WDR19: variants seen among roughly 807,000 people sequenced by gnomAD.
WDR19 encodes WD repeat-containing protein 19.
In WDR19, 121 loss-of-function variants were observed where a neutral mutation model predicts 180.0. The observed-to-expected ratio is 0.67, with a 90% CI of 0.58 to 0.78. The LOEUF is 0.78. Ranked by LOEUF, WDR19 falls within the 30% of genes least tolerant of loss-of-function variation. The pLI, the probability that WDR19 is intolerant of heterozygous loss-of-function variation, is 0.00. For missense variants in WDR19, 1,450 were observed against 1,640.7 expected (o/e 0.88, Z 2.01); for synonymous variants, 497 against 540.7 (o/e 0.92, Z 1.12).
chr4:39,257,515 C>T lies in WDR19; in HGVS notation c.3144C>T (p.Ser1048=). 1 of 1,589,348 alleles carries T rather than the reference C, an allele frequency of 6.3e-7. No homozygotes were observed. Among genetic ancestry groups the T allele is most frequent in the Non-Finnish European group, 8.6e-7 (1 of 1,166,848 alleles). ...TTAAACACTTCCTGAAATGCCCAAG[C>T]TCGGAAGATAATGTGGCAATAGAAA... The part of the protein sequence containing the change: ...RALKHFLKCP[S]SEDNVAIEMA... The change falls in exon 28 of 37, where the codon AGC becomes AGT. Residue 1048 remains serine, a synonymous_variant. Coordinates refer to ENST00000399820, the MANE Select transcript of WDR19 (RefSeq NM_025132.4).
At chr4:39,280,119 G>GTTTTTTTTTTTTTTTTT (rs551041321) in intron 36 of WDR19, among the ~76,000 whole-genome samples, 1 of 53,960 alleles carries the variant, frequency 1.9e-5, no homozygotes, top group African/African-American at 6.2e-5. Context: ...CCCTTTTCTT[G>GTTTTTTTTTTTTTTTTT]TTTTTTTTTT....
intron 25 of WDR19, 31 bp from the exon 26 acceptor site, chr4:39,253,873 AAG>A (rs1321943842): frequency 1.3e-6 from 2 of 1,526,550 alleles, no homozygotes; most frequent in Admixed American, 2.1e-5. Context: ...AATTTATATT[AAG>A]AGTCTAGCTA....
intron 28 of WDR19, among the ~76,000 whole-genome samples, chr4:39,262,530 G>T (rs1180178126): frequency 2.0e-5 from 3 of 152,140 alleles, no homozygotes; most frequent in Non-Finnish European, 4.4e-5. Context: ...TGTGAGCACA[G>T]TGCCCAGCCT....
chr4:39,218,267 G>A (rs1382671773), intron 14 of WDR19, 162 bp downstream of exon 14: 1 of 912,572 alleles, frequency 1.1e-6, no homozygotes, highest in African/African-American at 1.7e-5. Flanking sequence ...TCTCTTTGCA[G>A]TGGGGATACA....
intron 4 of WDR19, among the ~76,000 whole-genome samples, chr4:39,191,134 A>G (rs1726105272): frequency 6.6e-6 from 1 of 152,238 alleles, no homozygotes; most frequent in Non-Finnish European, 1.5e-5. Context: ...TGTCATTAAA[A>G]TAAAATTAAG....
In WDR19 at chr4:39,228,564, C is replaced by A. The variant is rs777737446; in HGVS notation, c.1856C>A (p.Thr619Asn). The A allele has an allele frequency of 4.3e-6, 7 of 1,613,898 alleles. No individual in the cohort carries two copies. The Admixed American group carries it at 1.0e-4, about 23-fold the overall frequency. Residue 619 changes from threonine to asparagine, a missense_variant, in exon 17 of 37, where the codon ACC (threonine) becomes AAC (asparagine). By Grantham distance (65) the Thr-to-Asn change is moderately conservative. Coordinates refer to ENST00000399820, the MANE Select transcript of WDR19 (RefSeq NM_025132.4). ...KPLLLYNGEL[T>N]CQTQSGKVNN... ...TTGCTGCTATATAATGGAGAGCTGACCTGCCAAACACAGAGTGGAAAAGTA... is the reference window on the plus strand; with the variant it reads ...TTGCTGCTATATAATGGAGAGCTGAACTGCCAAACACAGAGTGGAAAAGTA...
At chr4:39,235,353 C>T (rs1731273946) in intron 20 of WDR19, among the ~76,000 whole-genome samples, 1 of 152,078 alleles carries the variant, frequency 6.6e-6, no homozygotes, top group Admixed American at 6.6e-5. Flanking sequence ...CCAGGCTGGT[C>T]TCCTGGGCTC....
chr4:39,227,132 G>A (rs1441189431), intron 15 of WDR19, among the ~76,000 whole-genome samples: 1 of 152,066 alleles, frequency 6.6e-6, no homozygotes, highest in Admixed American at 6.6e-5. Flanking sequence ...TCTCAATTCG[G>A]ACTTGGCACA....
At chr4:39,188,177 A>G (rs890203794) in intron 3 of WDR19, among the ~76,000 whole-genome samples, 2 of 152,156 alleles carry the variant, frequency 1.3e-5, no homozygotes, top group African/African-American at 4.8e-5. Context: ...GATGAAAAAT[A>G]TATGTAATAC....
chr4:39,277,280 T>C, intron 34 of WDR19, 137 bp downstream of exon 34: 1 of 982,226 alleles, frequency 1.0e-6, no homozygotes, highest in Non-Finnish European at 1.4e-6. Context: ...TAGCATTTTA[T>C]TTCATAGTCA....
intron 2 of WDR19, 95 bp downstream of exon 2, chr4:39,185,912 T>TG: frequency 8.9e-7 from 1 of 1,120,130 alleles, no homozygotes; most frequent in Non-Finnish European, 1.2e-6. Context: ...GTTTTTTTTT[T>TG]TTAAATGGAG....
At chr4:39,198,807 C>T (rs1727059984) in intron 5 of WDR19, among the ~76,000 whole-genome samples, 1 of 152,166 alleles carries the variant, frequency 6.6e-6, no homozygotes, top group South Asian at 2.1e-4. Flanking sequence ...CAAGACCAGC[C>T]TGGCCAACAT....
intron 4 of WDR19, 135 bp downstream of exon 4, chr4:39,189,916 A>G (rs1251992021): frequency 1.9e-6 from 2 of 1,065,442 alleles, no homozygotes; most frequent in Admixed American, 6.7e-5. Context: ...GATTATTTTT[A>G]TTATTGTTAC....
chr4:39,224,555 A>G (rs1730038400), intron 14 of WDR19, among the ~76,000 whole-genome samples: 1 of 151,678 alleles, frequency 6.6e-6, no homozygotes, highest in South Asian at 2.1e-4. Context: ...TAATTTTTGT[A>G]TTTTTAGTAG....
At chr4:39,218,272 G>T (rs1287607184) in intron 14 of WDR19, 167 bp downstream of exon 14, 3 of 879,398 alleles carry the variant, frequency 3.4e-6, no homozygotes, top group Non-Finnish European at 5.1e-6. Context: ...TTGCAGTGGG[G>T]ATACATTCTG....
At chr4:39,229,431 C>T (rs1040227187) in intron 17 of WDR19, among the ~76,000 whole-genome samples, 8 of 152,168 alleles carry the variant, frequency 5.3e-5, no homozygotes, top group African/African-American at 1.7e-4. Flanking sequence ...AAGAACAAAA[C>T]GGTTTCTAAG....
In WDR19 at chr4:39,183,250, C is replaced by CTTTTTTTTTTTTTTTTTT. The variant is rs113490249; in HGVS notation, c.6+690_6+707dup. Among the ~76,000 whole-genome samples the CTTTTTTTTTTTTTTTTTT allele has an allele frequency of 1.1e-3, 88 of 79,248 alleles. 17 individuals carry two copies. The highest frequency in any genetic ancestry group is 3.6e-3 in the African/African-American group (72 of 20,074). The allele number at this position is 79,248 out of a possible 152,430, so 52.0% of individuals were successfully genotyped here. A position where few individuals can be genotyped will look rare whatever the true frequency, so the allele number is the denominator to read the frequency against. On this transcript the variant is annotated intron_variant, in intron 1 of 36. Coordinates refer to ENST00000399820, the MANE Select transcript of WDR19 (RefSeq NM_025132.4). ...TCTGCTCTGGCAAAGAAATGGAAGG[C>CTTTTTTTTTTTTTTTTTT]TTTTTTTTTTTTTTTTTTTTACTGA...
chr4:39,221,527 T>C (rs1041904534), intron 14 of WDR19, among the ~76,000 whole-genome samples: 1 of 152,206 alleles, frequency 6.6e-6, no homozygotes, highest in Non-Finnish European at 1.5e-5. Context: ...GTTATACAAT[T>C]TGGACAGGCG....
At chr4:39,272,944 G>T in intron 31 of WDR19, 36 bp from the exon 32 acceptor site, 2 of 1,508,498 alleles carry the variant, frequency 1.3e-6, no homozygotes, top group Non-Finnish European at 9.0e-7. Flanking sequence ...GCTAATCAAT[G>T]ACTATAAGAA....
Sources: gnomAD v4.1 joint callset for allele counts (sites outside exome capture counted in the v4.1 genomes callset) on GRCh38, gnomAD v4.1.1 for gene constraint, MANE v1.5 for transcripts, NCBI Gene and HGNC (gene_info 2026-07-23, HGNC 2026-07-21) for gene names.